The following ST6GAL1 variants were observed in gnomAD, a reference collection of about 807,000 sequenced individuals.
ST6GAL1 encodes beta-galactoside alpha-2,6-sialyltransferase 1.
ST6GAL1 carries 20 observed loss-of-function variants against 38.0 expected under a neutral mutation model. The observed-to-expected ratio is 0.53, with a 90% CI of 0.37 to 0.77. The LOEUF (loss-of-function observed/expected upper bound fraction) is 0.77. ST6GAL1 is among the 30% of genes least tolerant of loss of function. ST6GAL1 has a pLI of 0.00. For missense variants in ST6GAL1, 432 were observed against 496.4 expected, an observed-to-expected ratio of 0.87 and a Z score of 1.23; for synonymous variants, 196 against 188.2, an observed-to-expected ratio of 1.04 and a Z score of -0.34.
Position 187,075,695 on chromosome 3 carries a change from G to T in ST6GAL1, c.1113G>T (p.Pro371=), listed in dbSNP as rs146130483. ...DSACTMGAYH[P]LLYEKNLVKH... ...CCTGCACGATGGGTGCCTACCACCCGCTGCTCTATGAGAAGAATTTGGTGA... is the reference window on the plus strand; with the variant it reads ...CCTGCACGATGGGTGCCTACCACCCTCTGCTCTATGAGAAGAATTTGGTGA... Residue 371 remains proline (P), a synonymous_variant, in exon 8 of 8, where the codon CCG becomes CCT. Coordinates refer to ENST00000169298, the MANE Select transcript of ST6GAL1 (RefSeq NM_173216.2). This position sits in a 1 kb window ranked among gnomAD's most constrained non-coding sequence, Gnocchi z 4.1. 2 of 1,614,072 alleles carry T rather than the reference G, an allele frequency of 1.2e-6. No homozygotes were observed. The highest frequency in any genetic ancestry group is 1.7e-6 in the Non-Finnish European group (2 of 1,180,040).
intron 2 of ST6GAL1, among the ~76,000 whole-genome samples, chr3:187,034,460 A>G (rs1717859948): frequency 6.6e-6 from 1 of 152,186 alleles, no homozygotes; most frequent in Non-Finnish European, 1.5e-5. Flanking sequence ...AAAAAAAGAA[A>G]ACCGCAGGCC....
chr3:187,036,071 TAAC>T (rs969479335), intron 2 of ST6GAL1, among the ~76,000 whole-genome samples: 4 of 151,874 alleles, frequency 2.6e-5, no homozygotes, highest in Non-Finnish European at 4.4e-5. Flanking sequence ...AAAAAACAAA[TAAC>T]AACATTAAAA....
intron 2 of ST6GAL1, among the ~76,000 whole-genome samples, chr3:187,020,151 G>A (rs1002364826): frequency 6.6e-6 from 1 of 152,136 alleles, no homozygotes; most frequent in Admixed American, 6.5e-5. Context: ...ACAAAAATTA[G>A]CCGGGCGTGG....
At chr3:186,982,002 G>A (rs959590989) in intron 2 of ST6GAL1, among the ~76,000 whole-genome samples, 1 of 152,114 alleles carries the variant, frequency 6.6e-6, no homozygotes, top group South Asian at 2.1e-4. Context: ...CTCTATGATA[G>A]CAGTCACGCT....
At chr3:186,975,339 GATTA>G (rs1314801305) in intron 2 of ST6GAL1, among the ~76,000 whole-genome samples, 1 of 152,230 alleles carries the variant, frequency 6.6e-6, no homozygotes, top group Non-Finnish European at 1.5e-5. Context: ...GACTTCAGGA[GATTA>G]ATCTTTTGTG....
At chr3:186,977,764 A>T (rs187940521) in intron 2 of ST6GAL1, among the ~76,000 whole-genome samples, 1 of 152,236 alleles carries the variant, frequency 6.6e-6, no homozygotes, top group Admixed American at 6.5e-5. Flanking sequence ...TAAAAGACAC[A>T]TAAAATAAAA....
At chr3:187,044,630 G>A (rs536881664) in intron 4 of ST6GAL1, among the ~76,000 whole-genome samples, 1 of 152,286 alleles carries the variant, frequency 6.6e-6, no homozygotes, top group African/African-American at 2.4e-5. Flanking sequence ...TGCTGCTTAT[G>A]TAGCAAATGT....
At chr3:187,034,293 C>T (rs1717854872) in intron 2 of ST6GAL1, among the ~76,000 whole-genome samples, 2 of 152,014 alleles carry the variant, frequency 1.3e-5, no homozygotes, top group Admixed American at 1.3e-4. Flanking sequence ...AGCCCTGGAC[C>T]AGATAAATTC....
chr3:187,017,036 A>G (rs758244085), intron 2 of ST6GAL1, among the ~76,000 whole-genome samples: 7 of 152,216 alleles, frequency 4.6e-5, no homozygotes, highest in African/African-American at 7.2e-5. Flanking sequence ...AGTTGATGAC[A>G]GTGTAGCCTG....
intron 1 of ST6GAL1, among the ~76,000 whole-genome samples, chr3:186,945,628 A>G (rs1362892666): frequency 6.6e-6 from 1 of 152,192 alleles, no homozygotes; most frequent in Admixed American, 6.5e-5. Context: ...AGTAGAAAGA[A>G]TATACCAGAA....
chr3:186,986,129 T>G (rs1053660695), intron 2 of ST6GAL1, among the ~76,000 whole-genome samples: 3 of 152,166 alleles, frequency 2.0e-5, no homozygotes, highest in Admixed American at 1.3e-4. Context: ...GACCCCGCCA[T>G]AAGGAAGCAG....
At chr3:187,014,737 A>C (rs983508100) in intron 2 of ST6GAL1, among the ~76,000 whole-genome samples, 1 of 152,172 alleles carries the variant, frequency 6.6e-6, no homozygotes, top group African/African-American at 2.4e-5. Flanking sequence ...TAAAATGTTA[A>C]CACAGTGTGT....
chr3:187,058,389 G>T (rs1337512567), intron 5 of ST6GAL1, among the ~76,000 whole-genome samples: 1 of 152,194 alleles, frequency 6.6e-6, no homozygotes, highest in Non-Finnish European at 1.5e-5. Flanking sequence ...ATCGCGCTGG[G>T]AGCTGCAGAC....
chr3:187,066,682 A>T (rs1719153137), intron 5 of ST6GAL1, among the ~76,000 whole-genome samples: 2 of 151,216 alleles, frequency 1.3e-5, no homozygotes, highest in East Asian at 3.9e-4. Context: ...GTTACTTTCT[A>T]ACTGAGAAGG....
intron 1 of ST6GAL1, chr3:186,931,532 C>T (rs1300265962): frequency 1.3e-5 from 2 of 152,402 alleles, no homozygotes; most frequent in Non-Finnish European, 2.9e-5. Context: ...GACCACCCCT[C>T]ACCTTCACCT....
At chr3:186,966,909 G>A (rs973371794) in intron 2 of ST6GAL1, among the ~76,000 whole-genome samples, 16 of 152,178 alleles carry the variant, frequency 1.1e-4, no homozygotes, top group Admixed American at 1.0e-3. Flanking sequence ...TCTGGCTAGG[G>A]GGATTTAATT....
Position 186,952,717 on chromosome 3 carries a change from A to G in ST6GAL1, c.-324-11068A>G, listed in dbSNP as rs1714624684. ...CATGCCCTGGCCATCTCATATCATCAATTTCCTGACAACCCTCAATTTATA... is the reference window on the plus strand; with the variant it reads ...CATGCCCTGGCCATCTCATATCATCGATTTCCTGACAACCCTCAATTTATA... On this transcript the variant is annotated intron_variant, in intron 1 of 7. Coordinates refer to ENST00000169298, the MANE Select transcript of ST6GAL1 (RefSeq NM_173216.2). The surrounding 1 kb of genome is among the most constrained non-coding windows in gnomAD (Gnocchi z 4.1). 6.6e-6 allele frequency among the ~76,000 whole-genome samples: 1 copy of G among 151,880 alleles called. No individual in the cohort carries two copies. The highest frequency in any genetic ancestry group is 6.6e-5 in the Admixed American group (1 of 15,248).
At chr3:187,029,418 G>T (rs1469484218) in intron 2 of ST6GAL1, among the ~76,000 whole-genome samples, 1 of 152,136 alleles carries the variant, frequency 6.6e-6, no homozygotes, top group Non-Finnish European at 1.5e-5. Context: ...TTCATCTATA[G>T]TAATGAGGCA....
intron 2 of ST6GAL1, among the ~76,000 whole-genome samples, chr3:186,988,533 T>G (rs983946321): frequency 7.1e-5 from 9 of 127,118 alleles, no homozygotes; most frequent in Non-Finnish European, 1.4e-4. Context: ...CAAATACCAA[T>G]GGTTAAGCCA....
Sources: allele counts gnomAD v4.1 joint callset (sites outside exome capture counted in the v4.1 genomes callset), GRCh38; gene constraint gnomAD v4.1.1; non-coding constraint Gnocchi (gnomAD v3.1); transcripts MANE v1.5; gene names NCBI Gene and HGNC (gene_info 2026-07-23, HGNC 2026-07-21).